ADAMTS17: variants seen among roughly 807,000 people sequenced by gnomAD.
ADAMTS17 encodes A disintegrin and metalloproteinase with thrombospondin motifs 17.
In ADAMTS17, 113 loss-of-function variants were observed where a neutral mutation model predicts 141.5. That is an observed-to-expected ratio of 0.80 (90% CI 0.69 to 0.93). ADAMTS17 has a LOEUF of 0.93. Ranked by LOEUF, ADAMTS17 falls within the 40% of genes least tolerant of loss-of-function variation. ADAMTS17 has a pLI of 0.00. For synonymous variants in ADAMTS17, 768 were observed against 630.6 expected (o/e 1.22, Z -3.27); for missense variants, 1,659 against 1,517.9 (o/e 1.09, Z -1.54).
chr15:100,076,596 G>C (rs1189289636), intron 15 of ADAMTS17, among the ~76,000 whole-genome samples: 2 of 152,164 alleles, frequency 1.3e-5, no homozygotes, highest in Non-Finnish European at 2.9e-5. Context: ...GGTGTGGTAG[G>C]GAGAAATAGC....
chr15:100,137,370 T>C (rs2038388364), intron 10 of ADAMTS17, among the ~76,000 whole-genome samples: 1 of 152,004 alleles, frequency 6.6e-6, no homozygotes, highest in African/African-American at 2.4e-5. Flanking sequence ...AAGAGTAAAA[T>C]ATAACAGATA....
At chr15:100,221,243 T>C (rs1408287660) in intron 7 of ADAMTS17, among the ~76,000 whole-genome samples, 2 of 151,900 alleles carry the variant, frequency 1.3e-5, no homozygotes, top group Non-Finnish European at 2.9e-5. Context: ...GCTGGAAATG[T>C]TTAATGCCCA....
At chr15:100,314,406 G>A (rs1325928976) in intron 3 of ADAMTS17, among the ~76,000 whole-genome samples, 2 of 152,186 alleles carry the variant, frequency 1.3e-5, no homozygotes, top group African/African-American at 4.8e-5. Context: ...TAGATAAAGG[G>A]ACATGATGTC....
chr15:100,257,137 G>A (rs1373432927), intron 6 of ADAMTS17: 6 of 152,334 alleles, frequency 3.9e-5, no homozygotes, highest in Non-Finnish European at 7.3e-5. Context: ...TCCTAGCTCA[G>A]GACCTGGAAG....
intron 3 of ADAMTS17, among the ~76,000 whole-genome samples, chr15:100,304,005 T>A (rs1217487106): frequency 6.6e-6 from 1 of 152,222 alleles, no homozygotes; most frequent in Admixed American, 6.5e-5. Context: ...ATTACAGGCA[T>A]GAGCCGCCGC....
chr15:100,048,132 C>T (rs28421935), intron 18 of ADAMTS17, among the ~76,000 whole-genome samples: 47,922 of 152,004 alleles, frequency 0.32, 8,631 homozygotes, highest in East Asian at 0.49. Context: ...ATACTAAACA[C>T]CTAGCCTAGT....
intron 18 of ADAMTS17, among the ~76,000 whole-genome samples, chr15:100,019,462 A>G (rs1157729804): frequency 6.6e-6 from 1 of 152,216 alleles, no homozygotes; most frequent in Non-Finnish European, 1.5e-5. Flanking sequence ...TGTACCATGA[A>G]AATTTTTATA....
chr15:99,993,276 A>C lies in ADAMTS17; in HGVS notation c.2797-76T>G. 4 of 1,569,542 alleles carry C rather than the reference A, an allele frequency of 2.5e-6. No individual in the cohort carries two copies. Among genetic ancestry groups the C allele is most frequent in the Non-Finnish European group, 3.5e-6 (4 of 1,143,768 alleles). ...CATCAACAGCTATTAACTCCCTCCA[A>C]TGTGCCAGGTGCGGTGTGGGGATGA... is the stretch of plus-strand genomic sequence containing the variant. On this transcript the variant is annotated intron_variant, in intron 19 of 21. Transcript: ENST00000268070. This position sits in a 1 kb window ranked among gnomAD's most constrained non-coding sequence, Gnocchi z 4.3.
At chr15:100,313,224 CAAT>C (rs1487254264) in intron 3 of ADAMTS17, among the ~76,000 whole-genome samples, 2 of 152,066 alleles carry the variant, frequency 1.3e-5, no homozygotes, top group Admixed American at 1.3e-4. Flanking sequence ...ACACACAAAA[CAAT>C]ATTATAGGGC....
At chr15:100,033,256 A>G (rs889365761) in intron 18 of ADAMTS17, among the ~76,000 whole-genome samples, 4 of 152,174 alleles carry the variant, frequency 2.6e-5, no homozygotes, top group African/African-American at 4.8e-5. Flanking sequence ...AATAACCAGG[A>G]TAAGTCTGGA....
At chr15:100,123,129 T>C (rs2141185584) in intron 12 of ADAMTS17, among the ~76,000 whole-genome samples, 1 of 152,218 alleles carries the variant, frequency 6.6e-6, no homozygotes, top group African/African-American at 2.4e-5. Context: ...CTGAACTGTG[T>C]GGACACGGGG....
At chr15:100,102,687 A>C (rs1567176614) in intron 14 of ADAMTS17, among the ~76,000 whole-genome samples, 1 of 152,160 alleles carries the variant, frequency 6.6e-6, no homozygotes, top group African/African-American at 2.4e-5. Flanking sequence ...GTGCGAGGGA[A>C]ATTGACCTCT....
intron 15 of ADAMTS17, among the ~76,000 whole-genome samples, chr15:100,059,052 G>T (rs2032895791): frequency 6.6e-6 from 1 of 152,204 alleles, no homozygotes; most frequent in East Asian, 1.9e-4. Flanking sequence ...CAGTGAACAA[G>T]GAGTGGGGAA....
chr15:100,327,785 T>C (rs1276689332), intron 3 of ADAMTS17, among the ~76,000 whole-genome samples: 2 of 152,140 alleles, frequency 1.3e-5, no homozygotes, highest in Non-Finnish European at 2.9e-5. Context: ...GCCCCCAAAA[T>C]AAGGAGCAAT....
At chr15:100,201,696 T>C (rs1400818441) in intron 7 of ADAMTS17, among the ~76,000 whole-genome samples, 1 of 152,104 alleles carries the variant, frequency 6.6e-6, no homozygotes, top group Admixed American at 6.5e-5. Context: ...AAATTAAATG[T>C]TATTTTGCCT....
intron 10 of ADAMTS17, among the ~76,000 whole-genome samples, chr15:100,149,281 G>A (rs2039053715): frequency 6.6e-6 from 1 of 152,246 alleles, no homozygotes; most frequent in Admixed American, 6.5e-5. Flanking sequence ...AGGGTTCACA[G>A]GGAAGCATCT....
chr15:100,228,366 G>C (rs1461103243), intron 7 of ADAMTS17, among the ~76,000 whole-genome samples: 1 of 152,186 alleles, frequency 6.6e-6, no homozygotes, highest in African/African-American at 2.4e-5. Flanking sequence ...TGATTAGACT[G>C]TAAGTGTTCT....
At chr15:100,087,390 G>A (rs965969472) in intron 15 of ADAMTS17, among the ~76,000 whole-genome samples, 1 of 152,158 alleles carries the variant, frequency 6.6e-6, no homozygotes, top group Non-Finnish European at 1.5e-5. Context: ...TGGATTCACA[G>A]CCGAATTCTA....
intron 4 of ADAMTS17, 139 bp downstream of exon 4, chr15:100,281,090 G>A: frequency 7.9e-7 from 1 of 1,270,304 alleles, no homozygotes; most frequent in South Asian, 1.4e-5. Context: ...TCAATGCCCA[G>A]AATTACCAGG....
Sources: gnomAD v4.1 joint callset for allele counts (sites outside exome capture counted in the v4.1 genomes callset) on GRCh38, gnomAD v4.1.1 for gene constraint, Gnocchi (gnomAD v3.1) non-coding constraint, MANE v1.5 for transcripts, NCBI Gene and HGNC (gene_info 2026-07-23, HGNC 2026-07-21) for gene names.